The following ADAM29 variants were observed in gnomAD, a reference collection of about 807,000 sequenced individuals.
ADAM29 encodes the protein ADAM metallopeptidase domain 29, also known as disintegrin and metalloproteinase domain-containing protein 29.
For missense variants in ADAM29, 969 were observed against 1,001.8 expected, an observed-to-expected ratio of 0.97 and a Z score of 0.44; for synonymous variants, 367 against 342.3, an observed-to-expected ratio of 1.07 and a Z score of -0.80.
At chr4:174,940,275 C>T (rs1744450486) in intron 4 of ADAM29, among the ~76,000 whole-genome samples, 1 of 152,026 alleles carries the variant, frequency 6.6e-6, no homozygotes, top group South Asian at 2.1e-4. Context: ...TATTTAGCTA[C>T]TTTTAGACTT....
chr4:174,929,048 G>A (rs951805402), intron 2 of ADAM29, among the ~76,000 whole-genome samples: 1 of 152,194 alleles, frequency 6.6e-6, no homozygotes, highest in Non-Finnish European at 1.5e-5. Flanking sequence ...TTCTAAGGCT[G>A]CCTTGGTCAG....
rs748985680 is a variant in ADAM29, at chr4:174,975,851, A to G, written c.326A>G (p.Asp109Gly). The G allele has an allele frequency of 4.3e-6, 7 of 1,613,990 alleles. No individual in the cohort carries two copies. The highest frequency in any genetic ancestry group is 5.9e-6 in the Non-Finnish European group (7 of 1,179,968). Residue 109 changes from aspartate (D) to glycine (G), a missense_variant, in exon 5 of 5, where the codon GAC becomes GGC. Asp to Gly is a moderately conservative substitution (Grantham distance 94, BLOSUM62 -1). Coordinates refer to ENST00000359240, the MANE Select transcript of ADAM29 (RefSeq NM_014269.4). ...NCYYHGYVEG[D>G]PESLVSLSTC... is the part of the protein sequence containing the mutation. ...TACTATCATGGTTATGTGGAAGGGGACCCAGAATCCCTGGTTTCCCTCAGT... is the reference window on the plus strand; with the variant it reads ...TACTATCATGGTTATGTGGAAGGGGGCCCAGAATCCCTGGTTTCCCTCAGT...
At chr4:174,937,709 T>A (rs1744282313) in intron 4 of ADAM29, among the ~76,000 whole-genome samples, 1 of 152,052 alleles carries the variant, frequency 6.6e-6, no homozygotes, top group Admixed American at 6.6e-5. Flanking sequence ...TCAGAGTATT[T>A]TTTTGTTTTC....
intron 4 of ADAM29, among the ~76,000 whole-genome samples, chr4:174,944,323 A>G (rs558302592): frequency 5.3e-5 from 8 of 152,138 alleles, no homozygotes; most frequent in Non-Finnish European, 1.0e-4. Flanking sequence ...GGAAGAAAGG[A>G]AAGATAGTTT....
chr4:174,927,298 C>A (rs1743576259), intron 2 of ADAM29, among the ~76,000 whole-genome samples: 1 of 152,164 alleles, frequency 6.6e-6, no homozygotes, highest in South Asian at 2.1e-4. Context: ...TTTATAGTAG[C>A]TTACACCTGT....
At chr4:174,923,544 T>G (rs981794738) in intron 2 of ADAM29, among the ~76,000 whole-genome samples, 1 of 139,116 alleles carries the variant, frequency 7.2e-6, no homozygotes, top group African/African-American at 2.9e-5. Flanking sequence ...TATATATATA[T>G]ATATATATAT....
intron 4 of ADAM29, among the ~76,000 whole-genome samples, chr4:174,963,438 C>G (rs1444893614): frequency 1.3e-5 from 2 of 152,056 alleles, no homozygotes; most frequent in African/African-American, 2.4e-5. Flanking sequence ...ACTGTGTCCT[C>G]TGTTCAGAGA....
intron 3 of ADAM29, among the ~76,000 whole-genome samples, chr4:174,934,995 G>A (rs1177903519): frequency 2.0e-5 from 3 of 152,112 alleles, no homozygotes; most frequent in African/African-American, 7.2e-5. Flanking sequence ...ATACACAGAT[G>A]ATAGATAGAT....
At chr4:174,941,995 C>T (rs1189049177) in intron 4 of ADAM29, among the ~76,000 whole-genome samples, 2 of 152,158 alleles carry the variant, frequency 1.3e-5, no homozygotes, top group East Asian at 1.9e-4. Context: ...ACAGGCCCCA[C>T]GCAATTCCAA....
Position 174,975,504 on chromosome 4 carries a change from G to A in ADAM29, c.-22G>A, listed in dbSNP as rs1746708717. 6.7e-7 allele frequency: 1 copy of A among 1,493,972 alleles called. No homozygotes were observed. Among genetic ancestry groups the A allele is most frequent in the African/African-American group, 1.4e-5 (1 of 71,470 alleles). The allele number at this position is 1,493,972 out of a possible 1,614,324, so 92.5% of individuals were successfully genotyped here. A position where few individuals can be genotyped will look rare whatever the true frequency, so the allele number is the denominator to read the frequency against. ...CCATAACAGGGACTTCAAAATCACTGTGATTTGAAGCCTTTTTGAACATGA... is the reference window on the plus strand; with the variant it reads ...CCATAACAGGGACTTCAAAATCACTATGATTTGAAGCCTTTTTGAACATGA... On this transcript the variant is annotated 5_prime_UTR_variant, in exon 5 of 5. In the 5' UTR this introduces an upstream ATG that the reference lacks. Transcript: ENST00000359240.
intron 1 of ADAM29, among the ~76,000 whole-genome samples, chr4:174,920,265 T>TCTAC (rs1467286646): frequency 6.6e-6 from 1 of 152,210 alleles, no homozygotes; most frequent in Non-Finnish European, 1.5e-5. Context: ...AGTTTTACTT[T>TCTAC]CTACCTTAAA....
At chr4:174,946,311 T>C (rs1379376795) in intron 4 of ADAM29, among the ~76,000 whole-genome samples, 1 of 152,200 alleles carries the variant, frequency 6.6e-6, no homozygotes, top group African/African-American at 2.4e-5. Context: ...ACATTGTTGT[T>C]GTATAGAAAT....
Position 174,977,175 on chromosome 4 carries a change from G to C in ADAM29, c.1650G>C (p.Gln550His), listed in dbSNP as rs1746881879. 6.2e-7 allele frequency: 1 copy of C among 1,613,998 alleles called. No individual in the cohort carries two copies. The highest frequency in any genetic ancestry group is 8.5e-7 in the Non-Finnish European group (1 of 1,180,054). The change falls in exon 5 of 5, where the codon CAG becomes CAC. Residue 550 changes from glutamine to histidine, a missense_variant. Coordinates refer to ENST00000359240, the MANE Select transcript of ADAM29 (RefSeq NM_014269.4). ...TAAAGTGTAATATCTCAGATGTCCA[G>C]TGTGGAAGAATTCAGTGTGAGAATG... is the stretch of plus-strand genomic sequence containing the variant. The part of the protein sequence containing the change: ...TYIKCNISDV[Q>H]CGRIQCENVT...
intron 4 of ADAM29, among the ~76,000 whole-genome samples, chr4:174,957,588 C>G (rs540960730): frequency 6.6e-6 from 1 of 151,794 alleles, no homozygotes; most frequent in Non-Finnish European, 1.5e-5. Context: ...TGGGTCTGCT[C>G]TCTGCTTTAT....
intron 4 of ADAM29, among the ~76,000 whole-genome samples, chr4:174,955,022 G>GA (rs1745418747): frequency 6.6e-6 from 1 of 151,792 alleles, no homozygotes; most frequent in African/African-American, 2.4e-5. Flanking sequence ...GATTTTAAAT[G>GA]AAAAAATAAA....
In ADAM29 at chr4:174,976,996, G is replaced by A. The variant is rs1394837385; in HGVS notation, c.1471G>A (p.Gly491Ser). Residue 491 changes from glycine to serine, a missense_variant, in exon 5 of 5, where the codon GGC (glycine) becomes AGC (serine). Transcript: ENST00000359240. ...VEDGIPCKERGYCYEKSCHDR... is the reference protein window; with the variant it reads ...VEDGIPCKERSYCYEKSCHDR... ...AGATGGAATTCCCTGTAAGGAGAGG[G>A]GCTACTGCTATGAAAAGAGCTGTCA... 3.7e-6 allele frequency: 6 copies of A among 1,614,116 alleles called. No individual in the cohort carries two copies. In the Admixed American group the frequency reaches 8.3e-5, roughly 22 times the overall value.
chr4:174,923,864 T>G (rs975696177), intron 2 of ADAM29: 2 of 152,538 alleles, frequency 1.3e-5, no homozygotes, highest in Non-Finnish European at 2.9e-5. Flanking sequence ...TTGCTGTGTC[T>G]AAGTTCTCAC....
chr4:174,953,998 C>A (rs1299104801), intron 4 of ADAM29, among the ~76,000 whole-genome samples: 1 of 152,174 alleles, frequency 6.6e-6, no homozygotes, highest in African/African-American at 2.4e-5. Context: ...AGGTGTGAGC[C>A]GCCATGCCTG....
chr4:174,957,806 A>G (rs191155963), intron 4 of ADAM29, among the ~76,000 whole-genome samples: 12 of 151,968 alleles, frequency 7.9e-5, no homozygotes, highest in Admixed American at 7.9e-4. Flanking sequence ...GAATGAATTT[A>G]AATTGACCTG....
Sources: gnomAD v4.1 joint callset for allele counts (sites outside exome capture counted in the v4.1 genomes callset) on GRCh38, gnomAD v4.1.1 for gene constraint, MANE v1.5 for transcripts, NCBI Gene and HGNC (gene_info 2026-07-23, HGNC 2026-07-21) for gene names.